Variants in THRB observed in about 807,000 individuals in gnomAD.
The protein encoded by THRB is thyroid hormone receptor beta.
A neutral mutation model predicts 47.8 loss-of-function variants in THRB; 12 were observed. The ratio of observed to expected loss-of-function variants is 0.25; its 90% confidence interval spans 0.16 to 0.41. The LOEUF is 0.41. THRB is among the 10% of genes least tolerant of loss of function. The probability of loss-of-function intolerance (pLI) is 1.00; values close to 1 mark genes in which losing one functional copy is unlikely to be tolerated. For missense variants in THRB, 348 were observed against 589.2 expected, an observed-to-expected ratio of 0.59 and a Z score of 4.24; for synonymous variants, 218 against 212.2, an observed-to-expected ratio of 1.03 and a Z score of -0.24.
chr3:24,238,827 A>G (rs557704140), intron 3 of THRB, among the ~76,000 whole-genome samples: 2 of 152,292 alleles, frequency 1.3e-5, no homozygotes, highest in South Asian at 4.1e-4. Flanking sequence ...CCTAATAAAT[A>G]TAACTGTTTA....
chr3:24,415,785 G>T (rs950880388), intron 1 of THRB, among the ~76,000 whole-genome samples: 4 of 151,864 alleles, frequency 2.6e-5, no homozygotes, highest in South Asian at 4.1e-4. Context: ...CAAGTATCTT[G>T]TGCCTTTTTG....
chr3:24,136,503 A>G lies in THRB; in HGVS notation c.739-3041T>C, dbSNP rs959923251. ...TTTTCACCTATAACAAAAATACATA[A>G]TTTTCTAAAATATTTGGAAGATGTT... is the stretch of plus-strand genomic sequence containing the variant. On this transcript the variant is annotated intron_variant, in intron 8 of 10. Transcript: ENST00000646209. Among the ~76,000 whole-genome samples, 13 of 152,190 alleles carry G rather than the reference A, an allele frequency of 8.5e-5. 1 individual carries two copies. Among genetic ancestry groups the G allele is most frequent in the African/African-American group, 2.7e-4 (11 of 41,446 alleles).
intron 6 of THRB, among the ~76,000 whole-genome samples, chr3:24,147,215 A>G (rs1705738): frequency 0.57 from 86,081 of 151,980 alleles, 24,742 homozygotes; most frequent in African/African-American, 0.67. Flanking sequence ...TATACTGAGT[A>G]ATAAGAGAGC....
intron 1 of THRB, among the ~76,000 whole-genome samples, chr3:24,453,563 TTC>T (rs1265869450): frequency 6.6e-6 from 1 of 152,222 alleles, no homozygotes; most frequent in Non-Finnish European, 1.5e-5. Flanking sequence ...GTCGTCTTGG[TTC>T]TGTTTCTACC....
intron 2 of THRB, among the ~76,000 whole-genome samples, chr3:24,312,486 A>C (rs2057822004): frequency 6.6e-6 from 1 of 152,204 alleles, no homozygotes; most frequent in Non-Finnish European, 1.5e-5. Context: ...TTTGAGATAC[A>C]AAAGGTTCCT....
At chr3:24,171,730 C>T (rs2040469698) in intron 5 of THRB, among the ~76,000 whole-genome samples, 1 of 151,988 alleles carries the variant, frequency 6.6e-6, no homozygotes, top group Non-Finnish European at 1.5e-5. Flanking sequence ...ATTGACTGTC[C>T]CTCCTCAGCA....
intron 3 of THRB, among the ~76,000 whole-genome samples, chr3:24,276,781 G>A (rs908821514): frequency 6.6e-6 from 1 of 152,260 alleles, no homozygotes; most frequent in Non-Finnish European, 1.5e-5. Flanking sequence ...CCCAGTGTCT[G>A]CTGGGAGTGG....
At chr3:24,470,228 G>A (rs934823146) in intron 1 of THRB, among the ~76,000 whole-genome samples, 1 of 152,152 alleles carries the variant, frequency 6.6e-6, no homozygotes, top group South Asian at 2.1e-4. Context: ...TGACTATTCT[G>A]AACAATTTAT....
chr3:24,331,584 T>TC (rs1185766280), intron 2 of THRB, among the ~76,000 whole-genome samples: 2 of 152,122 alleles, frequency 1.3e-5, no homozygotes, highest in Non-Finnish European at 2.9e-5. Context: ...CCTAGAAAAG[T>TC]TTTACATTGT....
chr3:24,313,814 G>C (rs935479303), intron 2 of THRB, among the ~76,000 whole-genome samples: 4 of 151,384 alleles, frequency 2.6e-5, no homozygotes, highest in African/African-American at 9.7e-5. Context: ...ACAACTTTAA[G>C]ATACCATAAT....
chr3:24,250,886 A>G (rs1283724356), intron 3 of THRB, among the ~76,000 whole-genome samples: 2 of 152,166 alleles, frequency 1.3e-5, no homozygotes, highest in Non-Finnish European at 2.9e-5. Context: ...CCCATATCTG[A>G]AAAACAGAAT....
chr3:24,465,663 C>G (rs1053374191), intron 1 of THRB, among the ~76,000 whole-genome samples: 1 of 152,156 alleles, frequency 6.6e-6, no homozygotes, highest in Admixed American at 6.5e-5. Flanking sequence ...CTTGGCCTCC[C>G]AAAGTGCTGG....
intron 1 of THRB, among the ~76,000 whole-genome samples, chr3:24,462,473 C>T (rs762479569): frequency 6.6e-6 from 1 of 152,162 alleles, no homozygotes; most frequent in Non-Finnish European, 1.5e-5. Flanking sequence ...TCAGGAGTAA[C>T]GTATTGCCGA....
rs1015020010 is a variant in THRB at position 24,384,681 on chromosome 3, G to A, written c.-260-47310C>T. The stretch of plus-strand genomic sequence containing the variant: ...AGGATTAGTCACTTGAATAGGAAGA[G>A]TTCTTATACAAGGGACCTCTGGAAA... On this transcript the variant is annotated intron_variant, in intron 1 of 10. Transcript: ENST00000646209. Among the ~76,000 whole-genome samples, 5 of 152,104 alleles carry A rather than the reference G, an allele frequency of 3.3e-5. No individual in the cohort carries two copies. In the South Asian group the frequency reaches 1.0e-3, roughly 32 times the overall value.
intron 5 of THRB, among the ~76,000 whole-genome samples, chr3:24,185,468 A>AT (rs1390217225): frequency 6.6e-6 from 1 of 152,218 alleles, no homozygotes; most frequent in Non-Finnish European, 1.5e-5. Context: ...CCATGAACAT[A>AT]TATAGGCTTT....
At chr3:24,147,327 G>C (rs9863267) in intron 6 of THRB, among the ~76,000 whole-genome samples, 2,208 of 152,226 alleles carry the variant, frequency 0.015, 55 homozygotes, top group African/African-American at 0.05. Context: ...AGATGTACTA[G>C]CTGGCTTCCT....
intron 1 of THRB, among the ~76,000 whole-genome samples, chr3:24,392,601 C>T (rs2066656085): frequency 6.6e-6 from 1 of 152,106 alleles, no homozygotes; most frequent in Non-Finnish European, 1.5e-5. Flanking sequence ...GGATTCTTTT[C>T]TCCCATGATA....
chr3:24,151,092 A>G (rs2036849557), intron 6 of THRB, among the ~76,000 whole-genome samples: 1 of 152,216 alleles, frequency 6.6e-6, no homozygotes, highest in Non-Finnish European at 1.5e-5. Flanking sequence ...TTAAAGGACT[A>G]CGAATTCCAG....
At chr3:24,157,639 C>A (rs556634477) in intron 5 of THRB, among the ~76,000 whole-genome samples, 2 of 152,154 alleles carry the variant, frequency 1.3e-5, no homozygotes, top group African/African-American at 4.8e-5. Context: ...AAGCAGTCCT[C>A]CCAGCTCAGC....
Sources: allele counts gnomAD v4.1 joint callset (sites outside exome capture counted in the v4.1 genomes callset), GRCh38; gene constraint gnomAD v4.1.1; transcripts MANE v1.5; gene names NCBI Gene and HGNC (gene_info 2026-07-23, HGNC 2026-07-21).